The following IRAK1BP1 variants were observed in gnomAD, a reference collection of about 807,000 sequenced individuals.
The protein encoded by IRAK1BP1 is interleukin 1 receptor associated kinase 1 binding protein 1.
IRAK1BP1 carries 24 observed loss-of-function variants against 28.0 expected under a neutral mutation model. The observed-to-expected ratio is 0.86, with a 90% CI of 0.62 to 1.20. The LOEUF is 1.20. Ranked by LOEUF, IRAK1BP1 falls within the 50% of genes most tolerant of loss-of-function variation. The pLI, the probability that IRAK1BP1 is intolerant of heterozygous loss-of-function variation, is 0.00. For synonymous variants in IRAK1BP1, 131 were observed against 116.3 expected (o/e 1.13, Z -0.81); for missense variants, 336 against 316.7 (o/e 1.06, Z -0.46).
rs143459041 is a variant in IRAK1BP1, at chr6:78,921,545, A to G, written c.*67+18435A>G. Among the ~76,000 whole-genome samples, 781 of 152,324 alleles carry G rather than the reference A, an allele frequency of 5.1e-3. 5 individuals carry two copies. The highest frequency in any genetic ancestry group is 6.8e-3 in the Middle Eastern group (2 of 294). On this transcript the variant is annotated intron_variant and NMD_transcript_variant, in intron 4 of 4. Coordinates refer to the IRAK1BP1 transcript ENST00000606868. The stretch of plus-strand genomic sequence containing the variant: ...GCAGCAGAAACCTCTGCAGACTTAA[A>G]TGTCCCTGTCTGACACCTTTGAAGA...
chr6:78,893,310 G>GTATA (rs1562085762), intron 2 of IRAK1BP1, among the ~76,000 whole-genome samples: 7 of 71,122 alleles, frequency 9.8e-5, no homozygotes, highest in African/African-American at 1.9e-4. Context: ...GTGTGTGTGT[G>GTATA]TGTGTATATA....
intron 4 of IRAK1BP1, among the ~76,000 whole-genome samples, chr6:78,921,949 G>A (rs1039664465): frequency 5.9e-5 from 9 of 152,168 alleles, no homozygotes; most frequent in African/African-American, 1.9e-4. Flanking sequence ...AACACCAAAG[G>A]TAGATAAAAC....
At position 78,929,491 on chromosome 6, in the gene IRAK1BP1, T is replaced by A. The variant is rs184507842; in HGVS notation, c.*68-15917T>A. On this transcript the variant is annotated intron_variant and NMD_transcript_variant, in intron 4 of 4. Transcript: ENST00000606868. ...CTTATAAGTAGGAGCTAAACATTGGTTACTCATGGATATAAAGATGGAAAC... is the reference window on the plus strand; with the variant it reads ...CTTATAAGTAGGAGCTAAACATTGGATACTCATGGATATAAAGATGGAAAC... Among the ~76,000 whole-genome samples, 5 of 152,066 alleles carry A rather than the reference T, an allele frequency of 3.3e-5. No homozygotes were observed. In the East Asian group the frequency reaches 9.7e-4, roughly 30 times the overall value.
At chr6:78,946,883 GA>G (rs369427137), downstream of IRAK1BP1, 7,354 of 1,278,808 alleles carry the variant, frequency 5.8e-3, 49 homozygotes, top group South Asian at 0.027. Flanking sequence ...ATCTGTGAGG[GA>G]AAAAAAAAAG....
rs1475550907 is a variant in IRAK1BP1 at position 78,898,573 on chromosome 6, TA to T, written c.*240del. 2 of 152,128 alleles carry T rather than the reference TA, an allele frequency of 1.3e-5. No individual in the cohort carries two copies. The highest frequency in any genetic ancestry group is 2.9e-5 in the Non-Finnish European group (2 of 68,490). The allele number at this position is 152,128 out of a possible 1,614,324, so 9.4% of individuals were successfully genotyped here. A position where few individuals can be genotyped will look rare whatever the true frequency, so the allele number is the denominator to read the frequency against. On this transcript the variant is annotated 3_prime_UTR_variant, in exon 4 of 4. Coordinates refer to ENST00000369940, the MANE Select transcript of IRAK1BP1 (RefSeq NM_001010844.4). ...AAACACTCTTGGATAATAAATGTATTATGTGCATACTTATATACTGACAGTT... is the reference window on the plus strand; with the variant it reads ...AAACACTCTTGGATAATAAATGTATTTGTGCATACTTATATACTGACAGTT...
intron 1 of IRAK1BP1, among the ~76,000 whole-genome samples, chr6:78,883,551 CAG>C (rs1771306376): frequency 6.6e-6 from 1 of 151,890 alleles, no homozygotes; most frequent in Admixed American, 6.6e-5. Context: ...ATTTTTCAAT[CAG>C]AAGTTTATCA....
intron 4 of IRAK1BP1, among the ~76,000 whole-genome samples, chr6:78,920,558 G>T (rs755038791): frequency 8.5e-5 from 13 of 152,126 alleles, no homozygotes; most frequent in Non-Finnish European, 2.9e-5. Context: ...TTAATAAATG[G>T]TGCTATGATA....
At chr6:78,885,685 G>A (rs573012176) in intron 2 of IRAK1BP1, among the ~76,000 whole-genome samples, 12 of 152,150 alleles carry the variant, frequency 7.9e-5, no homozygotes, top group African/African-American at 2.4e-4. Flanking sequence ...ACTAAATACA[G>A]TTTTAGTACT....
intron 1 of IRAK1BP1, among the ~76,000 whole-genome samples, chr6:78,879,176 A>G (rs1219027564): frequency 2.0e-5 from 3 of 152,006 alleles, no homozygotes; most frequent in African/African-American, 7.2e-5. Context: ...CAGGATGGGG[A>G]ACATCACACA....
the IRAK1BP1 span, among the ~76,000 whole-genome samples, chr6:78,978,989 A>C: frequency 6.6e-6 from 1 of 152,136 alleles, no homozygotes; most frequent in Non-Finnish European, 1.5e-5. Context: ...CACAAATAAA[A>C]TGATGTGTAG....
At chr6:78,916,547 ACTAAATGAG>A (rs1772566029) in intron 4 of IRAK1BP1, among the ~76,000 whole-genome samples, 1 of 152,216 alleles carries the variant, frequency 6.6e-6, no homozygotes, top group Non-Finnish European at 1.5e-5. Context: ...ACATGTTTAG[ACTAAATGAG>A]CTACTCCATG....
intron 4 of IRAK1BP1, chr6:78,937,741 G>A (rs933107507): frequency 2.0e-5 from 3 of 151,614 alleles, no homozygotes; most frequent in Non-Finnish European, 4.4e-5. Flanking sequence ...AGGTCACAAA[G>A]GATAAAATTT....
intron 4 of IRAK1BP1, among the ~76,000 whole-genome samples, chr6:78,914,860 A>G (rs901067459): frequency 1.3e-5 from 2 of 152,092 alleles, no homozygotes; most frequent in Admixed American, 6.6e-5. Context: ...TTGCTCTATC[A>G]CCCGGGCTGG....
the IRAK1BP1 span, among the ~76,000 whole-genome samples, chr6:78,978,131 T>A: frequency 6.6e-6 from 1 of 152,086 alleles, no homozygotes; most frequent in Non-Finnish European, 1.5e-5. Context: ...TTAAATAGTA[T>A]TTCTTATTCT....
At chr6:78,970,047 A>G in the IRAK1BP1 span, 1 of 1,613,368 alleles carries the variant, frequency 6.2e-7, no homozygotes, top group Non-Finnish European at 8.5e-7. Flanking sequence ...AACAGTCCTT[A>G]CTTCATGGTA....
chr6:78,928,079 AT>A (rs1348502522), intron 4 of IRAK1BP1, among the ~76,000 whole-genome samples: 1 of 152,004 alleles, frequency 6.6e-6, no homozygotes, highest in Non-Finnish European at 1.5e-5. Flanking sequence ...GGGGAATGTC[AT>A]TGGTATTTTG....
intron 4 of IRAK1BP1, among the ~76,000 whole-genome samples, chr6:78,930,208 C>T (rs1773007066): frequency 1.3e-5 from 2 of 152,148 alleles, no homozygotes; most frequent in Admixed American, 1.3e-4. Flanking sequence ...TGTGCACCAC[C>T]ATGCCCAGCC....
chr6:78,898,350 A>G lies in IRAK1BP1; in HGVS notation c.*16A>G. The G allele has an allele frequency of 1.4e-6, 2 of 1,382,658 alleles. No homozygotes were observed. The highest frequency in any genetic ancestry group is 1.4e-5 in the South Asian group (1 of 72,750). 85.6% of individuals were successfully genotyped at this position (1,382,658 alleles called of 1,614,324 possible). The stretch of plus-strand genomic sequence containing the variant: ...GCACCTTTGAAATTCCAAACAAATT[A>G]TATTGTACTTGTATCTTTTTACCTA... On this transcript the variant is annotated 3_prime_UTR_variant, in exon 4 of 4. Transcript: ENST00000369940.
At chr6:78,961,912 A>C in the IRAK1BP1 span, 2 of 813,100 alleles carry the variant, frequency 2.5e-6, no homozygotes, top group Non-Finnish European at 1.9e-6. Context: ...AATCTACATA[A>C]TCATTAGTCT....
Sources: allele counts gnomAD v4.1 joint callset (sites outside exome capture counted in the v4.1 genomes callset), GRCh38; gene constraint gnomAD v4.1.1; transcripts MANE v1.5; gene names NCBI Gene and HGNC (gene_info 2026-07-23, HGNC 2026-07-21).